The following NDST3 variants were observed in gnomAD, a reference collection of about 807,000 sequenced individuals.
NDST3 encodes the protein N-deacetylase and N-sulfotransferase 3, also known as bifunctional heparan sulfate N-deacetylase/N-sulfotransferase 3.
NDST3 carries 58 observed loss-of-function variants against 96.1 expected under a neutral mutation model. The ratio of observed to expected loss-of-function variants is 0.60; its 90% CI spans 0.49 to 0.75. The LOEUF (loss-of-function observed/expected upper bound fraction) is 0.75, where lower values mean the gene tolerates loss of function less well. NDST3 is among the 30% of genes least tolerant of loss of function. NDST3 has a pLI of 0.00. For synonymous variants in NDST3, 333 were observed against 359.7 expected (o/e 0.93, Z 0.84); for missense variants, 788 against 1,034.2 (o/e 0.76, Z 3.27).
intron 12 of NDST3, among the ~76,000 whole-genome samples, chr4:118,243,932 G>A (rs899648619): frequency 3.9e-5 from 6 of 152,158 alleles, no homozygotes; most frequent in South Asian, 4.1e-4. Context: ...ACCGTAGTCC[G>A]TTTGCACCTG....
intron 2 of NDST3, among the ~76,000 whole-genome samples, chr4:118,088,585 A>C (rs550766177): frequency 6.6e-6 from 1 of 152,124 alleles, no homozygotes; most frequent in South Asian, 2.1e-4. Context: ...TTTTCTTGGA[A>C]TGACGTTAGC....
intron 2 of NDST3, among the ~76,000 whole-genome samples, chr4:118,082,048 A>T (rs1728065049): frequency 6.6e-6 from 1 of 152,158 alleles, no homozygotes; most frequent in Admixed American, 6.6e-5. Flanking sequence ...TTCAAGCAGT[A>T]TGTTTTCTTT....
intron 6 of NDST3, among the ~76,000 whole-genome samples, chr4:118,207,373 T>C (rs1738503692): frequency 6.9e-6 from 1 of 144,800 alleles, no homozygotes; most frequent in Admixed American, 6.8e-5. Flanking sequence ...TAGTATTGAA[T>C]AGTATTATGC....
rs1245804496 is a variant in NDST3 at position 118,252,253 on chromosome 4, T to C, written c.2400-1246T>C. Among the ~76,000 whole-genome samples the C allele has an allele frequency of 3.3e-5, 5 of 152,160 alleles. No homozygotes were observed. In the South Asian group the frequency reaches 6.2e-4, roughly 19 times the overall value. On this transcript the variant is annotated intron_variant, in intron 12 of 13. Coordinates refer to ENST00000296499, the MANE Select transcript of NDST3 (RefSeq NM_004784.3). ...GTGCTTTATTTACAGTGAATAATAA[T>C]ATAAAACCTACTTGGAGACCAGTAA...
At chr4:118,235,690 T>C (rs1307188613) in intron 9 of NDST3, among the ~76,000 whole-genome samples, 1 of 152,182 alleles carries the variant, frequency 6.6e-6, no homozygotes, top group Admixed American at 6.5e-5. Flanking sequence ...CTGGAACCAG[T>C]GTGAGCTTCT....
intron 3 of NDST3, among the ~76,000 whole-genome samples, chr4:118,107,091 A>G (rs948468607): frequency 6.2e-5 from 9 of 145,244 alleles, no homozygotes; most frequent in African/African-American, 2.2e-4. Context: ...CTCCATCTCA[A>G]AATAATAATA....
chr4:118,047,221 T>TTGGGCA (rs1216490750), intron 1 of NDST3, among the ~76,000 whole-genome samples: 1 of 152,226 alleles, frequency 6.6e-6, no homozygotes, highest in African/African-American at 2.4e-5. Flanking sequence ...ATAGAGAGGC[T>TTGGGCA]TGGGCATGTG....
At chr4:118,036,691 A>G (rs192195532) in intron 1 of NDST3, among the ~76,000 whole-genome samples, 7 of 152,202 alleles carry the variant, frequency 4.6e-5, no homozygotes, top group Middle Eastern at 3.2e-3. Flanking sequence ...GTAAAAAACT[A>G]TACTCTTAGA....
At chr4:118,046,347 A>G (rs1392826200) in intron 1 of NDST3, among the ~76,000 whole-genome samples, 4 of 152,254 alleles carry the variant, frequency 2.6e-5, no homozygotes. Flanking sequence ...GAGCCTTTGT[A>G]CATGGTGCAG....
chr4:118,121,197 T>C (rs1224414294), intron 4 of NDST3, among the ~76,000 whole-genome samples: 1 of 152,184 alleles, frequency 6.6e-6, no homozygotes, highest in East Asian at 1.9e-4. Flanking sequence ...AGTATGACTT[T>C]TGCATCTTCA....
At chr4:118,201,555 C>T (rs1363382185) in intron 6 of NDST3, among the ~76,000 whole-genome samples, 3 of 152,062 alleles carry the variant, frequency 2.0e-5, no homozygotes, top group Non-Finnish European at 4.4e-5. Context: ...AGCATTTTTT[C>T]ATGTTTGTTG....
At chr4:118,099,926 T>C (rs1729627781) in intron 2 of NDST3, among the ~76,000 whole-genome samples, 1 of 152,072 alleles carries the variant, frequency 6.6e-6, no homozygotes, top group African/African-American at 2.4e-5. Flanking sequence ...TGCTCCAGTG[T>C]CCTGCAGTCC....
At chr4:118,255,052 T>C (rs1742028585) in intron 13 of NDST3, among the ~76,000 whole-genome samples, 1 of 152,198 alleles carries the variant, frequency 6.6e-6, no homozygotes, top group Admixed American at 6.5e-5. Context: ...AAATATATCA[T>C]ATGCATTTAT....
chr4:118,164,724 T>A (rs1735428660), intron 6 of NDST3, among the ~76,000 whole-genome samples: 1 of 152,102 alleles, frequency 6.6e-6, no homozygotes. Context: ...CACCTTTAAT[T>A]CTGATACTCA....
chr4:118,148,793 G>A (rs1578728255), intron 6 of NDST3, among the ~76,000 whole-genome samples: 1 of 151,914 alleles, frequency 6.6e-6, no homozygotes, highest in African/African-American at 2.4e-5. Flanking sequence ...TTCTTTTTTT[G>A]TTCGCTAGTT....
chr4:118,227,129 G>C (rs903128409), intron 8 of NDST3, 147 bp downstream of exon 8: 2 of 616,536 alleles, frequency 3.2e-6, no homozygotes, highest in Non-Finnish European at 5.7e-6. Context: ...ATTTAGCCCA[G>C]TAATATACCT....
chr4:118,089,907 A>C (rs894660653), intron 2 of NDST3, among the ~76,000 whole-genome samples: 2 of 151,976 alleles, frequency 1.3e-5, no homozygotes, highest in African/African-American at 4.8e-5. Flanking sequence ...GTCAAAGAAG[A>C]AGCCCATGTC....
intron 6 of NDST3, among the ~76,000 whole-genome samples, chr4:118,146,198 C>T (rs1733930794): frequency 6.6e-6 from 1 of 152,140 alleles, no homozygotes; most frequent in South Asian, 2.1e-4. Flanking sequence ...TCAAAGTATA[C>T]ATTAGCTGCA....
At chr4:118,175,423 TTAA>T (rs201823106) in intron 6 of NDST3, among the ~76,000 whole-genome samples, 1 of 146,040 alleles carries the variant, frequency 6.8e-6, no homozygotes, top group African/African-American at 2.5e-5. Context: ...ATATCATATA[TTAA>T]TAATAATTAG....
Sources: gnomAD v4.1 joint callset for allele counts (sites outside exome capture counted in the v4.1 genomes callset) on GRCh38, gnomAD v4.1.1 for gene constraint, MANE v1.5 for transcripts, NCBI Gene and HGNC (gene_info 2026-07-23, HGNC 2026-07-21) for gene names.